NCAPG: variants seen among roughly 807,000 people sequenced by gnomAD.
The protein encoded by NCAPG is non-SMC condensin I complex subunit G, also known as condensin complex subunit 3.
A neutral mutation model predicts 113.1 loss-of-function variants in NCAPG; 69 were observed. The observed-to-expected ratio is 0.61, with a 90% CI of 0.50 to 0.75. The LOEUF (loss-of-function observed/expected upper bound fraction) is 0.75. NCAPG is among the 30% of genes least tolerant of loss of function. The pLI, the probability that NCAPG is intolerant of heterozygous loss-of-function variation, is 0.00. For missense variants in NCAPG, 1,058 were observed against 1,177.0 expected (o/e 0.90, Z 1.48); for synonymous variants, 370 against 415.8 (o/e 0.89, Z 1.34).
intron 7 of NCAPG, among the ~76,000 whole-genome samples, chr4:17,822,631 G>A (rs1577337597): frequency 6.6e-6 from 1 of 152,176 alleles, no homozygotes; most frequent in African/African-American, 2.4e-5. Context: ...TTGAAAAATT[G>A]TAAGTTGGGC....
chr4:17,822,987 A>C lies in NCAPG; in HGVS notation c.1123A>C (p.Ile375Leu), dbSNP rs1721520105. 1 of 1,597,338 alleles carries C rather than the reference A, an allele frequency of 6.3e-7. No homozygotes were observed. Among genetic ancestry groups the C allele is most frequent in the African/African-American group, 1.4e-5 (1 of 73,702 alleles). ...VVYADYLLSY[I>L]QSIPVVNEEH... is the part of the protein sequence containing the mutation. ...TATTAATTCTGCTTGTTTTAGTTACATCCAGAGCATTCCAGTTGTTAATGA... is the reference window on the plus strand; with the variant it reads ...TATTAATTCTGCTTGTTTTAGTTACCTCCAGAGCATTCCAGTTGTTAATGA... Residue 375 changes from isoleucine to leucine, a missense_variant, in exon 8 of 21, where the codon ATC becomes CTC. Ile to Leu is a conservative substitution (Grantham distance 5). Transcript: ENST00000251496.
In NCAPG at chr4:17,811,549, G is replaced by A. The variant is rs1720949282; in HGVS notation, c.111+361G>A. ...ACATCAAATATTGAACCGCAGAGTG[G>A]ATCCTGAATGCGGGGGTTCAGTGGT... On this transcript the variant is annotated intron_variant, in intron 1 of 20. Transcript: ENST00000251496. This position sits in a 1 kb window ranked among gnomAD's most constrained non-coding sequence, Gnocchi z 5.3. 1.3e-5 allele frequency among the ~76,000 whole-genome samples: 2 copies of A among 152,178 alleles called. No individual in the cohort carries two copies. The highest frequency in any genetic ancestry group is 4.8e-5 in the African/African-American group (2 of 41,442).
chr4:17,812,047 A>G (rs563103655), intron 1 of NCAPG, among the ~76,000 whole-genome samples, 174 bp from the exon 2 acceptor site: 56 of 152,342 alleles, frequency 3.7e-4, no homozygotes, highest in Admixed American at 6.5e-4. Context: ...GCCTGGAGAG[A>G]AATTCATGCA....
At chr4:17,818,197 T>C (rs893116088) in intron 7 of NCAPG, 109 bp downstream of exon 7, 6 of 1,202,296 alleles carry the variant, frequency 5.0e-6, no homozygotes, top group Non-Finnish European at 6.9e-6. Flanking sequence ...TAAAAATCCT[T>C]TTTTTGTACA....
rs202218432 is a variant in NCAPG at position 17,834,336 on chromosome 4, C to A, written c.1922C>A (p.Ala641Asp). The change falls in exon 14 of 21, where the codon GCT becomes GAT. Residue 641 changes from alanine to aspartate, a missense_variant. Coordinates refer to ENST00000251496, the MANE Select transcript of NCAPG (RefSeq NM_022346.5). ...QIDDVTIKIS[A>D]LKAIFDQLMT... is the part of the protein sequence containing the mutation. ...GATGATGTCACAATAAAAATAAGTGCTTTAAAGGCAATCTTTGACCAACTG... is the reference window on the plus strand; with the variant it reads ...GATGATGTCACAATAAAAATAAGTGATTTAAAGGCAATCTTTGACCAACTG... The A allele has an allele frequency of 5.6e-6, 9 of 1,601,366 alleles. No individual in the cohort carries two copies. The highest frequency in any genetic ancestry group is 6.8e-6 in the Non-Finnish European group (8 of 1,173,860).
Position 17,811,295 on chromosome 4 carries a change from T to A in NCAPG, c.111+107T>A, listed in dbSNP as rs1329460334. ...CGGCGCACCGTGACTCCAGCCTTGT[T>A]CACCTTCGCGACTCACTTCATAGGG... is the stretch of plus-strand genomic sequence containing the variant. On this transcript the variant is annotated intron_variant, in intron 1 of 20. Coordinates refer to ENST00000251496, the MANE Select transcript of NCAPG (RefSeq NM_022346.5). The surrounding 1 kb of genome is among the most constrained non-coding windows in gnomAD (Gnocchi z 5.3). 1.6e-6 allele frequency: 1 copy of A among 630,568 alleles called. No homozygotes were observed. Among genetic ancestry groups the A allele is most frequent in the Non-Finnish European group, 2.6e-6 (1 of 386,832 alleles). 39.1% of individuals were successfully genotyped at this position (630,568 alleles called of 1,614,324 possible).
At chr4:17,823,442 T>C (rs1363063900) in intron 8 of NCAPG, among the ~76,000 whole-genome samples, 1 of 152,114 alleles carries the variant, frequency 6.6e-6, no homozygotes. Flanking sequence ...TTAAAAATCA[T>C]AGGGTGTTTT....
chr4:17,828,956 AAAAG>A (rs1438175254), intron 12 of NCAPG, among the ~76,000 whole-genome samples: 3 of 151,712 alleles, frequency 2.0e-5, no homozygotes, highest in African/African-American at 7.2e-5. Context: ...TTAAAAAAAA[AAAAG>A]AGGATAATTT....
chr4:17,821,300 A>G (rs1721445818), intron 7 of NCAPG, among the ~76,000 whole-genome samples: 3 of 152,140 alleles, frequency 2.0e-5, no homozygotes, highest in Admixed American at 1.3e-4. Flanking sequence ...GTTTCCTACT[A>G]GAACCCAAAG....
At chr4:17,827,982 G>A (rs569476503) in intron 11 of NCAPG, among the ~76,000 whole-genome samples, 1 of 151,978 alleles carries the variant, frequency 6.6e-6, no homozygotes, top group Admixed American at 6.6e-5. Context: ...TGTGTTTTTA[G>A]TAGAGATGAA....
intron 6 of NCAPG, 71 bp downstream of exon 6, chr4:17,817,524 C>A: frequency 8.1e-7 from 1 of 1,238,186 alleles, no homozygotes. Flanking sequence ...TTTTTTCCTC[C>A]CCATAGCTTA....
At chr4:17,812,783 G>A in intron 2 of NCAPG, 134 bp from the exon 3 acceptor site, 1 of 705,468 alleles carries the variant, frequency 1.4e-6, no homozygotes. Context: ...GACCAAGGTA[G>A]CATTATAGGT....
At chr4:17,840,325 T>A (rs2286534) in intron 18 of NCAPG, 116 bp downstream of exon 18, 805,666 of 1,125,660 alleles carry the variant, frequency 0.72, 291,017 homozygotes, top group South Asian at 0.85. Context: ...ATGAATGAAA[T>A]TTTTTTTCTA....
intron 11 of NCAPG, 50 bp downstream of exon 11, chr4:17,825,611 A>C: frequency 1.8e-4 from 255 of 1,450,944 alleles, no homozygotes; most frequent in Middle Eastern, 3.6e-4. Flanking sequence ...TAATCATCTC[A>C]ACTAAATCTT....
At chr4:17,840,573 C>A in intron 18 of NCAPG, 34 bp from the exon 19 acceptor site, 1 of 1,198,238 alleles carries the variant, frequency 8.3e-7, no homozygotes, top group Admixed American at 2.8e-5. Context: ...ATGAGGTTAT[C>A]TTATTTATAT....
chr4:17,819,634 T>A lies in NCAPG; in HGVS notation c.1118+1546T>A, dbSNP rs553012571. On this transcript the variant is annotated intron_variant, in intron 7 of 20. Transcript: ENST00000251496. ...CCAGGATGGTCTCAATCTCTTGACC[T>A]CGTGATCTGCCTGCCTTGGCCTCCC... Among the ~76,000 whole-genome samples the A allele has an allele frequency of 2.0e-5, 3 of 152,186 alleles. No individual in the cohort carries two copies. In the South Asian group the frequency reaches 6.2e-4, roughly 32 times the overall value.
intron 14 of NCAPG, among the ~76,000 whole-genome samples, chr4:17,834,767 T>TGA (rs1174436378): frequency 1.3e-5 from 2 of 152,138 alleles, no homozygotes; most frequent in East Asian, 3.9e-4. Context: ...TCCCAGTGTG[T>TGA]GATGTTCCTC....
At position 17,811,151 on chromosome 4, in the gene NCAPG, C is replaced by T. The variant is rs1410270071; in HGVS notation, c.74C>T (p.Ala25Val). 9.2e-6 allele frequency: 14 copies of T among 1,518,578 alleles called. No homozygotes were observed. Among genetic ancestry groups the T allele is most frequent in the African/African-American group, 8.6e-5 (6 of 70,058 alleles). 94.1% of individuals were successfully genotyped at this position (1,518,578 alleles called of 1,614,324 possible). Residue 25 changes from alanine (A) to valine (V), a missense_variant, in exon 1 of 21, where the codon GCG becomes GTG. By Grantham distance (64) the Ala-to-Val change is moderately conservative (BLOSUM62 0). Transcript: ENST00000251496. This position sits in a 1 kb window ranked among gnomAD's most constrained non-coding sequence, Gnocchi z 5.3. The part of the protein sequence containing the change: ...RLAQQPHQNQ[A>V]KLVVALSRTY... ...GCGCAGCAGCCGCACCAGAACCAGG[C>T]GAAGCTGGTGGTGGCGCTGAGCCGC...
chr4:17,837,812 G>C lies in NCAPG; in HGVS notation c.2466+11G>C. ...TCCCAAGATTATCAGGTGAGTGACTGTGGTAACTGCATGCAGATCACTGTT... is the reference window on the plus strand; with the variant it reads ...TCCCAAGATTATCAGGTGAGTGACTCTGGTAACTGCATGCAGATCACTGTT... On this transcript the variant is annotated intron_variant, in intron 16 of 20. Transcript: ENST00000251496. 1 of 1,613,368 alleles carries C rather than the reference G, an allele frequency of 6.2e-7. No individual in the cohort carries two copies. Among genetic ancestry groups the C allele is most frequent in the East Asian group, 2.2e-5 (1 of 44,848 alleles).
Sources: gnomAD v4.1 joint callset for allele counts (sites outside exome capture counted in the v4.1 genomes callset) on GRCh38, gnomAD v4.1.1 for gene constraint, Gnocchi (gnomAD v3.1) non-coding constraint, MANE v1.5 for transcripts, NCBI Gene and HGNC (gene_info 2026-07-23, HGNC 2026-07-21) for gene names.